The following KIFAP3 variants were observed in gnomAD, a reference collection of about 807,000 sequenced individuals.
KIFAP3 encodes the protein kinesin-associated protein 3.
A neutral mutation model predicts 106.5 loss-of-function variants in KIFAP3; 68 were observed. The ratio of observed to expected loss-of-function variants is 0.64; its 90% CI spans 0.53 to 0.78. KIFAP3 has a LOEUF of 0.78. Ranked by LOEUF, KIFAP3 falls within the 30% of genes least tolerant of loss-of-function variation. The probability of loss-of-function intolerance (pLI) is 0.00; values close to 1 mark genes in which losing one functional copy is unlikely to be tolerated. For synonymous variants in KIFAP3, 320 were observed against 311.5 expected, an observed-to-expected ratio of 1.03 and a Z score of -0.29; for missense variants, 780 against 941.8, an observed-to-expected ratio of 0.83 and a Z score of 2.25.
chr1:170,001,133 TTTA>T (rs1369460876), intron 10 of KIFAP3, among the ~76,000 whole-genome samples: 3 of 152,122 alleles, frequency 2.0e-5, no homozygotes, highest in African/African-American at 7.2e-5. Flanking sequence ...CTTCAATTAT[TTTA>T]TTATGTCTTC....
chr1:170,019,501 T>C (rs1198291714), intron 9 of KIFAP3, among the ~76,000 whole-genome samples: 1 of 152,102 alleles, frequency 6.6e-6, no homozygotes, highest in Non-Finnish European at 1.5e-5. Flanking sequence ...ATCCCCTCAA[T>C]ACAAGACTGG....
At position 170,064,661 on chromosome 1, in the gene KIFAP3, T is replaced by C. The variant is rs191428637; in HGVS notation, c.33-9225A>G. ...GAGCCAACACACCTGGCTAGTTTCCTCATTTAATATGTTTATATCATAATT... is the reference window on the plus strand; with the variant it reads ...GAGCCAACACACCTGGCTAGTTTCCCCATTTAATATGTTTATATCATAATT... On this transcript the variant is annotated intron_variant, in intron 1 of 19. Coordinates refer to ENST00000361580, the MANE Select transcript of KIFAP3 (RefSeq NM_014970.4). Among the ~76,000 whole-genome samples the C allele has an allele frequency of 3.7e-3, 564 of 152,348 alleles. 2 individuals carry two copies. The highest frequency in any genetic ancestry group is 6.8e-3 in the Admixed American group (104 of 15,306).
intron 10 of KIFAP3, among the ~76,000 whole-genome samples, chr1:169,996,520 T>C (rs1667380486): frequency 6.6e-6 from 1 of 152,132 alleles, no homozygotes; most frequent in Admixed American, 6.6e-5. Context: ...AAGGGGTAGG[T>C]ATTATCTTTG....
At chr1:170,046,486 A>T (rs553242941) in intron 3 of KIFAP3, among the ~76,000 whole-genome samples, 1 of 152,316 alleles carries the variant, frequency 6.6e-6, no homozygotes, top group Admixed American at 6.5e-5. Context: ...CACACAAAAC[A>T]TGAAAAAGAA....
At chr1:170,073,856 A>C (rs1232457181) in intron 1 of KIFAP3, among the ~76,000 whole-genome samples, 1 of 152,178 alleles carries the variant, frequency 6.6e-6, no homozygotes, top group Non-Finnish European at 1.5e-5. Flanking sequence ...CAAACCTCTT[A>C]ATAATTACTA....
upstream of KIFAP3, among the ~76,000 whole-genome samples, chr1:170,078,815 A>G (rs1433210155): frequency 1.3e-5 from 2 of 152,250 alleles, no homozygotes; most frequent in Admixed American, 6.5e-5. Context: ...AAAGGTCAGC[A>G]TTATCCTGAT....
chr1:170,072,338 T>C (rs1280632411), intron 1 of KIFAP3, among the ~76,000 whole-genome samples: 2 of 152,204 alleles, frequency 1.3e-5, no homozygotes, highest in African/African-American at 2.4e-5. Context: ...TTTATGAACT[T>C]TATAAACCAG....
intron 17 of KIFAP3, among the ~76,000 whole-genome samples, chr1:169,964,888 G>C (rs188934310): frequency 1.3e-5 from 2 of 152,276 alleles, no homozygotes; most frequent in East Asian, 3.9e-4. Context: ...GTGTGTCTGT[G>C]TATGTGCTCA....
intron 2 of KIFAP3, among the ~76,000 whole-genome samples, chr1:170,051,159 G>C (rs971199835): frequency 1.8e-5 from 2 of 113,938 alleles, no homozygotes. Context: ...CAAGCAAATG[G>C]AAAAAAAAAA....
At chr1:169,999,983 A>G (rs1219721250) in intron 10 of KIFAP3, among the ~76,000 whole-genome samples, 1 of 152,080 alleles carries the variant, frequency 6.6e-6, no homozygotes, top group Non-Finnish European at 1.5e-5. Flanking sequence ...TGCTCTCACA[A>G]TCGATTTTCT....
chr1:170,057,686 A>G (rs1036048022), intron 1 of KIFAP3, among the ~76,000 whole-genome samples: 17 of 151,964 alleles, frequency 1.1e-4, no homozygotes, highest in Admixed American at 7.2e-4. Flanking sequence ...CAAGCTGAGT[A>G]GCATTCACAA....
chr1:170,030,872 T>C (rs12023275), intron 8 of KIFAP3, among the ~76,000 whole-genome samples: 39,648 of 151,544 alleles, frequency 0.26, 6,119 homozygotes, highest in East Asian at 0.5. Flanking sequence ...CTTATCTTGA[T>C]TATGGTCATT....
At chr1:169,991,808 A>G (rs765543202) in intron 11 of KIFAP3, among the ~76,000 whole-genome samples, 1 of 152,118 alleles carries the variant, frequency 6.6e-6, no homozygotes, top group African/African-American at 2.4e-5. Flanking sequence ...ATATTATACA[A>G]TTAAAAATAA....
At chr1:170,078,865 A>G (rs1389986979), upstream of KIFAP3, among the ~76,000 whole-genome samples, 1 of 152,252 alleles carries the variant, frequency 6.6e-6, no homozygotes, top group African/African-American at 2.4e-5. Flanking sequence ...AAGAGCTACA[A>G]ATATCCTTAG....
At chr1:169,958,929 T>A (rs12401321) in intron 18 of KIFAP3, among the ~76,000 whole-genome samples, 23,396 of 152,012 alleles carry the variant, frequency 0.15, 1,866 homozygotes, top group Middle Eastern at 0.2. Flanking sequence ...GATTTTTTTT[T>A]AAAAAACATG....
chr1:170,069,155 C>A (rs1671584704), intron 1 of KIFAP3, among the ~76,000 whole-genome samples: 1 of 151,912 alleles, frequency 6.6e-6, no homozygotes, highest in Admixed American at 6.6e-5. Flanking sequence ...CACAAACTAC[C>A]AAAACTGACT....
chr1:170,015,236 T>C (rs1668445053), intron 10 of KIFAP3, among the ~76,000 whole-genome samples: 1 of 152,146 alleles, frequency 6.6e-6, no homozygotes, highest in African/African-American at 2.4e-5. Flanking sequence ...ACAAACCAAA[T>C]AGACTATGAA....
intron 19 of KIFAP3, among the ~76,000 whole-genome samples, chr1:169,947,848 A>G (rs1344643653): frequency 1.3e-5 from 2 of 151,746 alleles, no homozygotes; most frequent in Non-Finnish European, 3.0e-5. Flanking sequence ...AAATCATTTA[A>G]AAAGTGAAGA....
At chr1:170,006,096 T>C (rs1430848077) in intron 10 of KIFAP3, among the ~76,000 whole-genome samples, 3 of 152,170 alleles carry the variant, frequency 2.0e-5, no homozygotes. Context: ...TTTATCAGAA[T>C]AGGACCTATT....
Sources: gnomAD v4.1 joint callset for allele counts (sites outside exome capture counted in the v4.1 genomes callset) on GRCh38, gnomAD v4.1.1 for gene constraint, MANE v1.5 for transcripts, NCBI Gene and HGNC (gene_info 2026-07-23, HGNC 2026-07-21) for gene names.